The following BCL2L13 variants were observed in gnomAD, a reference collection of about 807,000 sequenced individuals.
BCL2L13 encodes bcl-2-like protein 13.
Under a neutral mutation model 25.8 loss-of-function variants are expected in BCL2L13, and 13 were observed. The ratio of observed to expected loss-of-function variants is 0.50; its 90% CI spans 0.33 to 0.80. BCL2L13 has a LOEUF of 0.80. Among genes scored for constraint, BCL2L13 ranks in the 30% least tolerant of loss-of-function variants. BCL2L13 has a pLI of 0.02. For missense variants in BCL2L13, 504 were observed against 574.9 expected (o/e 0.88, Z 1.26); for synonymous variants, 244 against 230.3 (o/e 1.06, Z -0.54).
upstream of BCL2L13, among the ~76,000 whole-genome samples, chr22:17,635,177 C>G (rs1215346793): frequency 6.7e-6 from 1 of 148,908 alleles, no homozygotes; most frequent in Non-Finnish European, 1.5e-5. Flanking sequence ...CACTTGAGGC[C>G]ACAAGTTCAA....
chr22:17,710,140 A>C (rs930269593), intron 6 of BCL2L13, among the ~76,000 whole-genome samples: 34 of 149,930 alleles, frequency 2.3e-4, no homozygotes, highest in Admixed American at 1.7e-3. Flanking sequence ...GGTCCCCAGG[A>C]GTAAAAGCTT....
At chr22:17,670,484 C>T (rs763012102) in intron 2 of BCL2L13, among the ~76,000 whole-genome samples, 13 of 151,414 alleles carry the variant, frequency 8.6e-5, no homozygotes, top group Non-Finnish European at 1.8e-4. Context: ...AAGTGATTCT[C>T]CTGCCTCAGC....
chr22:17,629,994 A>G (rs1308463912), intron 1 of BCL2L13, among the ~76,000 whole-genome samples: 2 of 152,014 alleles, frequency 1.3e-5, no homozygotes, highest in Non-Finnish European at 2.9e-5. Context: ...TGAGGTGGGC[A>G]GATCACCTGA....
chr22:17,698,628 C>T (rs1271984771), intron 5 of BCL2L13, among the ~76,000 whole-genome samples: 5 of 147,138 alleles, frequency 3.4e-5, no homozygotes, highest in Non-Finnish European at 6.0e-5. Context: ...ATTTGGGAGG[C>T]TGAGGTGAGA....
At chr22:17,714,592 T>TG (rs1157769258) in intron 6 of BCL2L13, among the ~76,000 whole-genome samples, 2 of 152,144 alleles carry the variant, frequency 1.3e-5, no homozygotes, top group Non-Finnish European at 2.9e-5. Context: ...TTAGGTAGCT[T>TG]GGGGGGACCA....
At chr22:17,669,590 C>G (rs544946011) in intron 2 of BCL2L13, among the ~76,000 whole-genome samples, 10 of 152,170 alleles carry the variant, frequency 6.6e-5, no homozygotes, top group Non-Finnish European at 1.5e-4. Flanking sequence ...GATGCACTCC[C>G]GTGACCCAAA....
intron 2 of BCL2L13, among the ~76,000 whole-genome samples, chr22:17,669,825 C>T (rs1279590968): frequency 6.6e-6 from 1 of 152,224 alleles, no homozygotes; most frequent in East Asian, 1.9e-4. Context: ...ATGTAATACT[C>T]TGTGCTGCCT....
chr22:17,641,798 G>GTTTT (rs35688861), intron 1 of BCL2L13, among the ~76,000 whole-genome samples: 2 of 133,704 alleles, frequency 1.5e-5, no homozygotes, highest in African/African-American at 5.6e-5. Flanking sequence ...CATAATATGT[G>GTTTT]TTTTTTTTTT....
rs34013263 is a variant in BCL2L13 at position 17,683,132 on chromosome 22, C to CAAAA, written c.122-69_122-66dup. 4.5e-3 allele frequency: 2,686 copies of CAAAA among 603,074 alleles called. 40 individuals are homozygous for CAAAA. In the African/African-American group the frequency reaches 0.047, roughly 11 times the overall value. The allele number at this position is 603,074 out of a possible 1,614,324, so 37.4% of individuals were successfully genotyped here. A position where few individuals can be genotyped will look rare whatever the true frequency, so the allele number is the denominator to read the frequency against. On this transcript the variant is annotated intron_variant, in intron 2 of 6. Coordinates refer to ENST00000317582, the MANE Select transcript of BCL2L13 (RefSeq NM_015367.4). ...CCAGTGACAGTGCGAGACTCCGTCT[C>CAAAA]AAAAAAAAAAAAAAAAGTGCTATTA...
At chr22:17,633,870 C>T (rs1223419008), upstream of BCL2L13, among the ~76,000 whole-genome samples, 1 of 152,172 alleles carries the variant, frequency 6.6e-6, no homozygotes, top group East Asian at 1.9e-4. Context: ...GTCATGGCTT[C>T]TGCTTGCTCC....
At chr22:17,656,440 T>C (rs1343331741) in intron 2 of BCL2L13, among the ~76,000 whole-genome samples, 1 of 128,784 alleles carries the variant, frequency 7.8e-6, no homozygotes, top group East Asian at 2.9e-4. Flanking sequence ...AACCTCCACC[T>C]TCCCGGTTCA....
Position 17,727,569 on chromosome 22 carries a change from AGGTTG to A in BCL2L13, c.*37_*41del. The stretch of plus-strand genomic sequence containing the variant: ...CAGAAGAGAAAGACAGAAGGATGTA[AGGTTG>A]GAGTTGTATTGGCTGGAATTTGAAC... On this transcript the variant is annotated 3_prime_UTR_variant, in exon 7 of 7. Transcript: ENST00000317582. 6.2e-7 allele frequency: 1 copy of A among 1,607,306 alleles called. No individual in the cohort carries two copies. Among genetic ancestry groups the A allele is most frequent in the Non-Finnish European group, 8.5e-7 (1 of 1,176,132 alleles).
Position 17,727,680 on chromosome 22 carries a change from C to A in BCL2L13, c.*146C>A. The stretch of plus-strand genomic sequence containing the variant: ...CTCAACATGGCAGTGGCATGTTAGG[C>A]ATGTTAGGGCTTGAGGTGGGGCATT... On this transcript the variant is annotated 3_prime_UTR_variant, in exon 7 of 7. Coordinates refer to ENST00000317582, the MANE Select transcript of BCL2L13 (RefSeq NM_015367.4). The A allele has an allele frequency of 9.2e-7, 1 of 1,090,464 alleles. No individual in the cohort carries two copies. Among genetic ancestry groups the A allele is most frequent in the Non-Finnish European group, 1.3e-6 (1 of 771,606 alleles). 67.5% of individuals were successfully genotyped at this position (1,090,464 alleles called of 1,614,324 possible). A position where few individuals can be genotyped will look rare whatever the true frequency, so the allele number is the denominator to read the frequency against.
At chr22:17,706,537 G>C in intron 6 of BCL2L13, 1 of 318,746 alleles carries the variant, frequency 3.1e-6, no homozygotes, top group Non-Finnish European at 4.5e-6. Flanking sequence ...TGATGTGAAA[G>C]TGTTTTGTGA....
intron 6 of BCL2L13, among the ~76,000 whole-genome samples, chr22:17,724,631 A>G (rs2061244565): frequency 6.6e-6 from 1 of 152,154 alleles, no homozygotes; most frequent in Non-Finnish European, 1.5e-5. Flanking sequence ...TTTATGTTAG[A>G]TCCTTGATGT....
chr22:17,727,012 A>G lies in BCL2L13; in HGVS notation c.936A>G (p.Lys312=). The G allele has an allele frequency of 6.2e-7, 1 of 1,614,228 alleles. No homozygotes were observed. The highest frequency in any genetic ancestry group is 8.5e-7 in the Non-Finnish European group (1 of 1,180,040). Residue 312 remains lysine, a synonymous_variant, in exon 7 of 7, where the codon AAA becomes AAG. Coordinates refer to ENST00000317582, the MANE Select transcript of BCL2L13 (RefSeq NM_015367.4). ...ATTCTGACATTGTGCACGTGGAGAA[A>G]GAAGAGGTGCCCGAGGGCATGGAAG... ...SSNSDIVHVE[K]EEVPEGMEEA... is the part of the protein sequence containing the mutation.
chr22:17,683,178 C>T, intron 2 of BCL2L13, 36 bp from the exon 3 acceptor site: 1 of 1,175,224 alleles, frequency 8.5e-7, no homozygotes, highest in Non-Finnish European at 1.2e-6. Context: ...GTTTCTCTCT[C>T]CCTCTTTCAA....
At chr22:17,664,596 C>T (rs1169700826) in intron 2 of BCL2L13, among the ~76,000 whole-genome samples, 1 of 152,236 alleles carries the variant, frequency 6.6e-6, no homozygotes, top group East Asian at 1.9e-4. Flanking sequence ...CCACATTTCC[C>T]TTCTGCACTG....
intron 2 of BCL2L13, among the ~76,000 whole-genome samples, chr22:17,662,992 T>G (rs2059120972): frequency 6.6e-6 from 1 of 151,960 alleles, no homozygotes; most frequent in Admixed American, 6.6e-5. Context: ...CCATCTCAGC[T>G]TCCTGAGTAG....
Sources: gnomAD v4.1 joint callset for allele counts (sites outside exome capture counted in the v4.1 genomes callset) on GRCh38, gnomAD v4.1.1 for gene constraint, MANE v1.5 for transcripts, NCBI Gene and HGNC (gene_info 2026-07-23, HGNC 2026-07-21) for gene names.